Variants in RSRC1 observed in about 807,000 individuals in gnomAD.
The protein encoded by RSRC1 is serine/Arginine-related protein 53.
In RSRC1, 39 loss-of-function variants were observed where a neutral mutation model predicts 49.1. The ratio of observed to expected loss-of-function variants is 0.79; its 90% CI spans 0.61 to 1.04. RSRC1 has a LOEUF of 1.04. RSRC1 is among the 50% of genes least tolerant of loss of function. RSRC1 has a pLI of 0.00. For synonymous variants in RSRC1, 143 were observed against 130.8 expected (o/e 1.09, Z -0.63); for missense variants, 388 against 402.4 (o/e 0.96, Z 0.31).
chr3:158,340,564 A>G (rs1037828262), intron 5 of RSRC1, among the ~76,000 whole-genome samples: 12 of 152,076 alleles, frequency 7.9e-5, no homozygotes, highest in African/African-American at 2.7e-4. Flanking sequence ...GAAAAGAAAG[A>G]CAAAAAAAAG....
intron 3 of RSRC1, among the ~76,000 whole-genome samples, chr3:158,177,833 T>A (rs527803399): frequency 1.1e-3 from 167 of 152,282 alleles, no homozygotes; most frequent in Admixed American, 2.5e-3. Flanking sequence ...AATATAACTT[T>A]ATATCAATAT....
intron 4 of RSRC1, among the ~76,000 whole-genome samples, chr3:158,213,584 A>G (rs1271337654): frequency 1.3e-5 from 2 of 151,898 alleles, no homozygotes; most frequent in Non-Finnish European, 2.9e-5. Flanking sequence ...TACAACAATG[A>G]GTACTGCTGT....
At chr3:158,506,413 T>C (rs1365934313) in intron 7 of RSRC1, among the ~76,000 whole-genome samples, 1 of 151,964 alleles carries the variant, frequency 6.6e-6, no homozygotes, top group African/African-American at 2.4e-5. Flanking sequence ...ATAATAATAA[T>C]TATAATAAAT....
intron 4 of RSRC1, among the ~76,000 whole-genome samples, chr3:158,228,366 A>T (rs1367472292): frequency 6.6e-6 from 1 of 151,940 alleles, no homozygotes; most frequent in Non-Finnish European, 1.5e-5. Context: ...AGGTCCTTAG[A>T]TATTTGTTAA....
chr3:158,134,899 A>G (rs1329052298), intron 3 of RSRC1, among the ~76,000 whole-genome samples: 4 of 152,180 alleles, frequency 2.6e-5, no homozygotes, highest in African/African-American at 7.2e-5. Context: ...TAAGTACTTA[A>G]CACTATAGCA....
intron 6 of RSRC1, among the ~76,000 whole-genome samples, chr3:158,418,922 T>C (rs1487729790): frequency 6.6e-6 from 1 of 151,998 alleles, no homozygotes; most frequent in Non-Finnish European, 1.5e-5. Flanking sequence ...TGAGTGATAC[T>C]TTTCTGTCAT....
chr3:158,528,892 TG>T (rs1222854582), intron 7 of RSRC1, among the ~76,000 whole-genome samples: 3 of 151,928 alleles, frequency 2.0e-5, no homozygotes, highest in African/African-American at 7.2e-5. Context: ...GACTATGTAG[TG>T]GTTGTTGGTT....
chr3:158,343,078 C>T (rs1490284673), intron 5 of RSRC1, among the ~76,000 whole-genome samples: 1 of 152,180 alleles, frequency 6.6e-6, no homozygotes, highest in East Asian at 1.9e-4. Flanking sequence ...TAGCAGACTA[C>T]TAATCAGTAC....
At chr3:158,145,139 G>A (rs1375900308) in intron 3 of RSRC1, among the ~76,000 whole-genome samples, 4 of 152,158 alleles carry the variant, frequency 2.6e-5, no homozygotes, top group Non-Finnish European at 5.9e-5. Flanking sequence ...AGTTTAATTA[G>A]ATCCCATTTG....
rs950048245 is a variant in RSRC1 at position 158,356,295 on chromosome 3, T to C, written c.583+1387T>C. Reference sequence around the variant, plus strand: ...AATGATAATAGTTATATTTTTAGGATTCATTGATCAAGAAAATACATATGT... The same window carrying C: ...AATGATAATAGTTATATTTTTAGGACTCATTGATCAAGAAAATACATATGT... On this transcript the variant is annotated intron_variant, in intron 6 of 9. Transcript: ENST00000611884. Among the ~76,000 whole-genome samples, 25 of 152,090 alleles carry C rather than the reference T, an allele frequency of 1.6e-4. 1 individual carries two copies. Among genetic ancestry groups the C allele is most frequent in the South Asian group, 6.2e-4 (3 of 4,832 alleles).
chr3:158,513,739 CCATCTGGT>C (rs1740323868), intron 7 of RSRC1, among the ~76,000 whole-genome samples: 1 of 152,224 alleles, frequency 6.6e-6, no homozygotes, highest in South Asian at 2.1e-4. Flanking sequence ...GGCTGTGAAT[CCATCTGGT>C]CCTGGACTCT....
At position 158,302,001 on chromosome 3, in the gene RSRC1, T is replaced by TG. The variant is rs879797912; in HGVS notation, c.531+3926_531+3927insG. On this transcript the variant is annotated intron_variant, in intron 5 of 9. Coordinates refer to ENST00000611884, the MANE Select transcript of RSRC1 (RefSeq NM_001271838.2). ...TTTTGGGGTTTTTTTGTTTTTTTTT[T>TG]TTGTTGTTGTTAAACTGTGTGTGTG... 2.6e-3 allele frequency among the ~76,000 whole-genome samples: 397 copies of TG among 151,168 alleles called. 1 individual carries two copies. Among genetic ancestry groups the TG allele is most frequent in the South Asian group, 4.2e-3 (20 of 4,798 alleles).
intron 7 of RSRC1, among the ~76,000 whole-genome samples, chr3:158,470,355 C>T (rs1321693221): frequency 0.024 from 2,758 of 116,688 alleles, 90 homozygotes; most frequent in African/African-American, 0.097. Flanking sequence ...CACACACACA[C>T]ACACACATAT....
At chr3:158,289,921 T>A (rs933325047) in intron 4 of RSRC1, among the ~76,000 whole-genome samples, 2 of 119,486 alleles carry the variant, frequency 1.7e-5, no homozygotes, top group Non-Finnish European at 3.3e-5. Flanking sequence ...CTTTCTATCT[T>A]TCTATCCATC....
At chr3:158,149,468 T>C (rs1453883958) in intron 3 of RSRC1, among the ~76,000 whole-genome samples, 1 of 152,090 alleles carries the variant, frequency 6.6e-6, no homozygotes, top group Non-Finnish European at 1.5e-5. Context: ...TAGAGCTTGA[T>C]AGGGGATGTG....
intron 4 of RSRC1, among the ~76,000 whole-genome samples, chr3:158,246,055 G>T (rs114444786): frequency 5.9e-5 from 9 of 151,728 alleles, no homozygotes; most frequent in Admixed American, 2.0e-4. Flanking sequence ...AGCATTGTTC[G>T]CCCACTTGCC....
At chr3:158,111,796 T>C (rs948995245) in intron 1 of RSRC1, among the ~76,000 whole-genome samples, 1 of 152,224 alleles carries the variant, frequency 6.6e-6, no homozygotes, top group African/African-American at 2.4e-5. Flanking sequence ...TCATGTCCTT[T>C]GGAAATCTTT....
intron 7 of RSRC1, among the ~76,000 whole-genome samples, chr3:158,503,404 T>C (rs879877814): frequency 6.6e-6 from 1 of 152,088 alleles, no homozygotes; most frequent in Non-Finnish European, 1.5e-5. Context: ...GCATCAGCTG[T>C]GGTAGTATGG....
intron 3 of RSRC1, among the ~76,000 whole-genome samples, chr3:158,166,392 C>G (rs1163660814): frequency 6.6e-6 from 1 of 151,978 alleles, no homozygotes; most frequent in Non-Finnish European, 1.5e-5. Context: ...GTAATCATAA[C>G]CATGTGTGGG....
Sources: gnomAD v4.1 joint callset for allele counts (sites outside exome capture counted in the v4.1 genomes callset) on GRCh38, gnomAD v4.1.1 for gene constraint, MANE v1.5 for transcripts, NCBI Gene and HGNC (gene_info 2026-07-23, HGNC 2026-07-21) for gene names.